RALGPS2: variants seen among roughly 807,000 people sequenced by gnomAD.
The protein encoded by RALGPS2 is Ral GEF with PH domain and SH3 binding motif 2, also known as ras-specific guanine nucleotide-releasing factor RalGPS2.
A neutral mutation model predicts 86.8 loss-of-function variants in RALGPS2; 43 were observed. The observed-to-expected ratio is 0.50, with a 90% CI of 0.39 to 0.64. RALGPS2 has a LOEUF of 0.64. RALGPS2 is among the 30% of genes least tolerant of loss of function. RALGPS2 has a pLI of 0.00. For missense variants in RALGPS2, 536 were observed against 694.6 expected (o/e 0.77, Z 2.57); for synonymous variants, 243 against 231.3 (o/e 1.05, Z -0.46).
chr1:178,757,047 T>TC (rs1651993515), intron 1 of RALGPS2, among the ~76,000 whole-genome samples: 1 of 152,178 alleles, frequency 6.6e-6, no homozygotes, highest in Non-Finnish European at 1.5e-5. Flanking sequence ...TTCCTAGGTA[T>TC]TTTGTTGTTG....
intron 6 of RALGPS2, among the ~76,000 whole-genome samples, chr1:178,815,734 TC>T (rs1655195168): frequency 6.6e-6 from 1 of 152,124 alleles, no homozygotes; most frequent in African/African-American, 2.4e-5. Context: ...GCAACAAAGT[TC>T]CTTCAAGCAT....
rs563275245 is a variant in RALGPS2 at position 178,787,001 on chromosome 1, C to T, written c.213+1394C>T. Among the ~76,000 whole-genome samples, 10 of 150,964 alleles carry T rather than the reference C, an allele frequency of 6.6e-5. No homozygotes were observed. The East Asian group carries it at 1.9e-3, about 29-fold the overall frequency. On this transcript the variant is annotated intron_variant, in intron 4 of 19. Transcript: ENST00000367635. ...AATTCTGTGTTTTCCTAACTTTTCC[C>T]CCATACCTCAGAGGGCTCTCTAAGT...
At chr1:178,904,704 A>T (rs111428744) in intron 18 of RALGPS2, among the ~76,000 whole-genome samples, 1 of 152,142 alleles carries the variant, frequency 6.6e-6, no homozygotes, top group Non-Finnish European at 1.5e-5. Flanking sequence ...CCATTGGTCT[A>T]TGTGCCTATT....
At chr1:178,877,169 A>C (rs144060600) in intron 8 of RALGPS2, among the ~76,000 whole-genome samples, 5 of 152,264 alleles carry the variant, frequency 3.3e-5, no homozygotes, top group Admixed American at 1.3e-4. Context: ...GGCAGAGCCA[A>C]TTGAAGAACT....
At chr1:178,786,684 G>T (rs1017664637) in intron 4 of RALGPS2, among the ~76,000 whole-genome samples, 1 of 151,580 alleles carries the variant, frequency 6.6e-6, no homozygotes, top group Admixed American at 6.6e-5. Flanking sequence ...ATATCAATGT[G>T]ATTTTGTATT....
At chr1:178,765,941 A>G (rs1652485401) in intron 1 of RALGPS2, among the ~76,000 whole-genome samples, 1 of 152,196 alleles carries the variant, frequency 6.6e-6, no homozygotes, top group African/African-American at 2.4e-5. Context: ...TCTTTTTTCA[A>G]GGTGCCCAGA....
intron 8 of RALGPS2, chr1:178,853,068 T>C: frequency 1.4e-6 from 2 of 1,459,930 alleles, no homozygotes; most frequent in African/African-American, 2.8e-5. Flanking sequence ...TAAGTGGTAA[T>C]GTGAGCTTCC....
intron 14 of RALGPS2, among the ~76,000 whole-genome samples, chr1:178,890,039 G>T (rs1659654797): frequency 6.6e-6 from 1 of 151,756 alleles, no homozygotes; most frequent in Non-Finnish European, 1.5e-5. Context: ...TAATTTTAAG[G>T]CATTTAGTGG....
intron 8 of RALGPS2, among the ~76,000 whole-genome samples, chr1:178,867,347 T>G (rs913949665): frequency 6.6e-6 from 1 of 152,142 alleles, no homozygotes; most frequent in South Asian, 2.1e-4. Context: ...TTCATAGTGA[T>G]GGAGCGAGAA....
At position 178,790,877 on chromosome 1, in the gene RALGPS2, C is replaced by A. The variant is rs926132567; in HGVS notation, c.213+5270C>A. Among the ~76,000 whole-genome samples the A allele has an allele frequency of 6.6e-5, 10 of 152,174 alleles. No homozygotes were observed. The Middle Eastern group carries it at 0.01, about 155-fold the overall frequency. On this transcript the variant is annotated intron_variant, in intron 4 of 19. Coordinates refer to ENST00000367635, the MANE Select transcript of RALGPS2 (RefSeq NM_152663.5). ...AATCTTTATTAACATAAAATGATGT[C>A]TCTTTATATAGTATACATTAGAATA...
intron 1 of RALGPS2, among the ~76,000 whole-genome samples, chr1:178,734,316 C>T (rs1000823932): frequency 3.3e-5 from 5 of 152,284 alleles, no homozygotes; most frequent in South Asian, 4.1e-4. Flanking sequence ...AATAATTTAA[C>T]GTAGCATTAC....
intron 4 of RALGPS2, among the ~76,000 whole-genome samples, chr1:178,793,715 G>T (rs1256626066): frequency 6.6e-6 from 1 of 152,144 alleles, no homozygotes; most frequent in Non-Finnish European, 1.5e-5. Context: ...TACTATTAGA[G>T]ATTGATAAAT....
At chr1:178,766,271 C>T (rs1288016827) in intron 1 of RALGPS2, among the ~76,000 whole-genome samples, 1 of 152,136 alleles carries the variant, frequency 6.6e-6, no homozygotes, top group South Asian at 2.1e-4. Context: ...TCCCTGACTT[C>T]CTGCAACAGT....
intron 4 of RALGPS2, 53 bp from the exon 5 acceptor site, chr1:178,807,992 G>A: frequency 8.9e-7 from 1 of 1,127,496 alleles, no homozygotes; most frequent in Non-Finnish European, 1.3e-6. Flanking sequence ...CCTTAATCTG[G>A]CAGAAAAAAA....
At chr1:178,765,054 T>C (rs1652429101) in intron 1 of RALGPS2, among the ~76,000 whole-genome samples, 2 of 152,284 alleles carry the variant, frequency 1.3e-5, no homozygotes, top group East Asian at 3.9e-4. Flanking sequence ...TCTGCCATGA[T>C]TGTAAGTGTC....
At chr1:178,786,212 G>A (rs964976329) in intron 4 of RALGPS2, among the ~76,000 whole-genome samples, 4 of 151,976 alleles carry the variant, frequency 2.6e-5, no homozygotes, top group African/African-American at 7.2e-5. Flanking sequence ...TTGTTTACAG[G>A]TCAGCTGTAT....
intron 8 of RALGPS2, among the ~76,000 whole-genome samples, chr1:178,847,871 A>G (rs771276606): frequency 6.6e-6 from 1 of 152,202 alleles, no homozygotes; most frequent in Non-Finnish European, 1.5e-5. Context: ...GGTGTCTACT[A>G]AATTTCAAGT....
chr1:178,827,311 A>G (rs931197951), intron 7 of RALGPS2, among the ~76,000 whole-genome samples: 3 of 152,214 alleles, frequency 2.0e-5, no homozygotes, highest in Admixed American at 6.5e-5. Context: ...ACAATTCTAA[A>G]ATTCACATGG....
chr1:178,875,602 C>G (rs1035442302), intron 8 of RALGPS2, among the ~76,000 whole-genome samples: 1 of 151,842 alleles, frequency 6.6e-6, no homozygotes, highest in African/African-American at 2.4e-5. Flanking sequence ...GCAAGAACTA[C>G]CCAGGCGTGG....
Sources: gnomAD v4.1 joint callset for allele counts (sites outside exome capture counted in the v4.1 genomes callset) on GRCh38, gnomAD v4.1.1 for gene constraint, MANE v1.5 for transcripts, NCBI Gene and HGNC (gene_info 2026-07-23, HGNC 2026-07-21) for gene names.